Variants in PCA3 observed in about 807,000 individuals in gnomAD.
The protein encoded by PCA3 is prostate cancer associated 3.
At chr9:76,781,170 C>T (rs922371234) in intron 2 of PCA3, among the ~76,000 whole-genome samples, 6 of 152,200 alleles carry the variant, frequency 3.9e-5, no homozygotes, top group Non-Finnish European at 7.3e-5. Flanking sequence ...TGAAGGCAGC[C>T]GCTAACCCAT....
At chr9:76,778,531 G>A (rs2054043547) in intron 2 of PCA3, 1 of 152,198 alleles carries the variant, frequency 6.6e-6, no homozygotes, top group South Asian at 2.1e-4. Flanking sequence ...ATAACAAAGT[G>A]GTTCAACGAG....
chr9:76,777,051 T>C (rs898824878), intron 2 of PCA3, among the ~76,000 whole-genome samples: 13 of 151,922 alleles, frequency 8.6e-5, no homozygotes, highest in African/African-American at 3.1e-4. Context: ...GCCATCAGGG[T>C]AGCTTCCTCT....
At chr9:76,785,139 C>T (rs12237165) in intron 2 of PCA3, 8,657 of 152,298 alleles carry the variant, frequency 0.057, 240 homozygotes, top group East Asian at 0.083. Context: ...CAACCCCTCC[C>T]ATGCACCTAA....
intron 2 of PCA3, among the ~76,000 whole-genome samples, chr9:76,777,968 T>C (rs2053979389): frequency 6.6e-6 from 1 of 152,172 alleles, no homozygotes; most frequent in Non-Finnish European, 1.5e-5. Context: ...GAAGACAGCA[T>C]GTCTATAGCA....
At chr9:76,770,187 T>C (rs970855559) in intron 2 of PCA3, among the ~76,000 whole-genome samples, 2 of 152,182 alleles carry the variant, frequency 1.3e-5, no homozygotes, top group Admixed American at 6.5e-5. Context: ...TTGACTTCAT[T>C]TGAGGCAACA....
At chr9:76,784,711 G>A (rs901730351) in intron 2 of PCA3, 2 of 152,194 alleles carry the variant, frequency 1.3e-5, no homozygotes, top group African/African-American at 4.8e-5. Flanking sequence ...GGAGTGTTCT[G>A]GCCCAGGGGA....
At chr9:76,787,544 GTAAAGT>G (rs1337834246) in intron 2 of PCA3, 1 of 152,006 alleles carries the variant, frequency 6.6e-6, no homozygotes, top group Non-Finnish European at 1.5e-5. Flanking sequence ...ATCCCAGAAC[GTAAAGT>G]AAAATTTAAA....
At chr9:76,770,416 T>C (rs1157899936) in intron 2 of PCA3, among the ~76,000 whole-genome samples, 7 of 152,174 alleles carry the variant, frequency 4.6e-5, no homozygotes, top group Non-Finnish European at 1.0e-4. Context: ...ATCCAATCTA[T>C]TGCCTTATTT....
chr9:76,767,375 C>T (rs952507692), intron 2 of PCA3, among the ~76,000 whole-genome samples: 13 of 151,778 alleles, frequency 8.6e-5, no homozygotes, highest in African/African-American at 3.1e-4. Context: ...AGCTTGAACT[C>T]GGGAGGCAGA....
chr9:76,769,445 A>C (rs1250365279), intron 2 of PCA3, among the ~76,000 whole-genome samples: 2 of 152,202 alleles, frequency 1.3e-5, no homozygotes, highest in Admixed American at 6.5e-5. Flanking sequence ...AATGTTGTTA[A>C]GAGTTTCGCT....
chr9:76,776,887 AACACAT>A (rs1301039044), intron 2 of PCA3, among the ~76,000 whole-genome samples: 1,250 of 96,534 alleles, frequency 0.013, 30 homozygotes, highest in African/African-American at 0.041. Context: ...TCATTACCAA[AACACAT>A]ACACACACAC....
intron 2 of PCA3, among the ~76,000 whole-genome samples, chr9:76,771,146 GAA>G (rs1396121742): frequency 1.3e-5 from 2 of 152,080 alleles, no homozygotes; most frequent in Non-Finnish European, 2.9e-5. Context: ...TATGATCATA[GAA>G]ACTAGACATG....
chr9:76,768,202 T>TC (rs892372352), intron 2 of PCA3, among the ~76,000 whole-genome samples: 23 of 151,096 alleles, frequency 1.5e-4, no homozygotes, highest in African/African-American at 5.3e-4. Flanking sequence ...TGATTTTCCT[T>TC]TTTTTTTTGA....
intron 2 of PCA3, among the ~76,000 whole-genome samples, chr9:76,774,343 G>T (rs1042308399): frequency 4.6e-5 from 7 of 151,720 alleles, no homozygotes; most frequent in Non-Finnish European, 1.0e-4. Context: ...TCACCATGTT[G>T]CCCAGGCTGG....
chr9:76,771,211 A>G (rs2053066418), intron 2 of PCA3, among the ~76,000 whole-genome samples: 1 of 152,186 alleles, frequency 6.6e-6, no homozygotes, highest in Non-Finnish European at 1.5e-5. Context: ...AATTTTGATA[A>G]CTGGTGATCA....
intron 2 of PCA3, among the ~76,000 whole-genome samples, chr9:76,775,916 C>T (rs2131058956): frequency 7.7e-6 from 1 of 130,410 alleles, no homozygotes; most frequent in South Asian, 2.5e-4. Context: ...CCTCCTATGA[C>T]TACACATCCC....
intron 2 of PCA3, among the ~76,000 whole-genome samples, chr9:76,783,239 C>A (rs1248280562): frequency 6.6e-6 from 1 of 152,208 alleles, no homozygotes; most frequent in Admixed American, 6.5e-5. Context: ...CATGTTCCAG[C>A]AATTCTCCTG....
intron 2 of PCA3, chr9:76,778,494 C>A (rs2054037077): frequency 1.3e-5 from 2 of 152,174 alleles, no homozygotes; most frequent in Admixed American, 6.5e-5. Flanking sequence ...TGGCCAGAGA[C>A]ACAGGAGATC....
chr9:76,782,582 T>A (rs1338929106), intron 2 of PCA3: 1 of 152,234 alleles, frequency 6.6e-6, no homozygotes. Flanking sequence ...ATATGTTAAG[T>A]TCCATGTAAA....
Sources: allele counts gnomAD v4.1 joint callset (sites outside exome capture counted in the v4.1 genomes callset), GRCh38; gene constraint gnomAD v4.1.1; transcripts MANE v1.5; gene names NCBI Gene and HGNC (gene_info 2026-07-23, HGNC 2026-07-21).